Variants in CNTNAP2 observed in about 807,000 individuals in gnomAD.
CNTNAP2 encodes the protein contactin-associated protein-like 2.
Under a neutral mutation model 155.2 loss-of-function variants are expected in CNTNAP2, and 98 were observed. The ratio of observed to expected loss-of-function variants is 0.63; its 90% CI spans 0.54 to 0.75. CNTNAP2 has a LOEUF of 0.75. CNTNAP2 is among the 30% of genes least tolerant of loss of function. CNTNAP2 has a pLI of 0.00. For missense variants in CNTNAP2, 1,727 were observed against 1,688.1 expected (o/e 1.02, Z -0.40); for synonymous variants, 651 against 631.2 (o/e 1.03, Z -0.47).
intron 18 of CNTNAP2, among the ~76,000 whole-genome samples, chr7:148,193,913 G>C (rs998102197): frequency 2.0e-5 from 3 of 149,238 alleles, no homozygotes; most frequent in Non-Finnish European, 4.4e-5. Flanking sequence ...AATCCTTCCC[G>C]TTTCCTTCTG....
intron 13 of CNTNAP2, among the ~76,000 whole-genome samples, chr7:147,724,177 C>T (rs1421395740): frequency 1.3e-5 from 2 of 151,874 alleles, no homozygotes; most frequent in African/African-American, 2.4e-5. Context: ...CAAAAGAAGG[C>T]CTACCAAACA....
chr7:146,885,482 T>A (rs1455497954), intron 3 of CNTNAP2, among the ~76,000 whole-genome samples: 1 of 152,174 alleles, frequency 6.6e-6, no homozygotes, highest in Admixed American at 6.6e-5. Flanking sequence ...ATATAGCTGA[T>A]GTAAAAATGC....
chr7:146,268,853 G>A (rs893810253), intron 1 of CNTNAP2, among the ~76,000 whole-genome samples: 1 of 152,186 alleles, frequency 6.6e-6, no homozygotes, highest in Non-Finnish European at 1.5e-5. Context: ...ACAAGAAGAA[G>A]ATAGTTCAAC....
At chr7:146,737,774 A>G (rs574013073) in intron 1 of CNTNAP2, among the ~76,000 whole-genome samples, 7 of 152,162 alleles carry the variant, frequency 4.6e-5, no homozygotes, top group Admixed American at 4.6e-4. Flanking sequence ...TTTACTTAAC[A>G]TAATGTCCTT....
intron 13 of CNTNAP2, among the ~76,000 whole-genome samples, chr7:147,856,955 A>G (rs936179238): frequency 6.6e-6 from 1 of 152,198 alleles, no homozygotes; most frequent in African/African-American, 2.4e-5. Context: ...GTTCCCCAGG[A>G]AAGTTTGTCA....
chr7:148,123,683 GGAAAAA>G (rs1804651752), intron 16 of CNTNAP2, among the ~76,000 whole-genome samples: 1 of 120,964 alleles, frequency 8.3e-6, no homozygotes, highest in South Asian at 2.8e-4. Context: ...AAGGAAGGAA[GGAAAAA>G]GAAAGAGAAA....
chr7:147,059,502 G>T (rs1035440023), intron 4 of CNTNAP2, among the ~76,000 whole-genome samples: 1 of 151,286 alleles, frequency 6.6e-6, no homozygotes, highest in East Asian at 1.9e-4. Context: ...TTGTACAATG[G>T]GTTCACCTTA....
intron 11 of CNTNAP2, among the ~76,000 whole-genome samples, chr7:147,486,889 C>CTGTGTGTGTGTGTGTGTGTGTGTGTG (rs10544219): frequency 6.1e-5 from 9 of 146,842 alleles, no homozygotes; most frequent in South Asian, 2.2e-4. Flanking sequence ...ACGTATGTGC[C>CTGTGTGTGTGTGTGTGTGTGTGTGTG]TGTGTGTGTG....
intron 13 of CNTNAP2, among the ~76,000 whole-genome samples, chr7:147,901,595 T>C (rs1019661487): frequency 2.0e-5 from 3 of 152,342 alleles, no homozygotes; most frequent in Middle Eastern, 3.4e-3. Flanking sequence ...TCTTTTTACA[T>C]TCTGCTCCAT....
chr7:146,618,653 A>G (rs1336891319), intron 1 of CNTNAP2, among the ~76,000 whole-genome samples: 4 of 152,236 alleles, frequency 2.6e-5, no homozygotes, highest in Non-Finnish European at 5.9e-5. Context: ...GCAGAATGTT[A>G]GTTCATTTAA....
chr7:147,056,296 T>C (rs1426816273), intron 4 of CNTNAP2, among the ~76,000 whole-genome samples: 3 of 152,228 alleles, frequency 2.0e-5, no homozygotes, highest in African/African-American at 7.2e-5. Flanking sequence ...GTGTTGGCTG[T>C]ATTTGTGTAT....
chr7:147,666,394 T>C (rs1205143989), intron 13 of CNTNAP2, among the ~76,000 whole-genome samples: 2 of 152,296 alleles, frequency 1.3e-5, no homozygotes, highest in South Asian at 2.1e-4. Flanking sequence ...ACATTACTCA[T>C]GTGTGTGTGG....
At chr7:147,730,726 A>T (rs1158437556) in intron 13 of CNTNAP2, among the ~76,000 whole-genome samples, 3 of 152,218 alleles carry the variant, frequency 2.0e-5, no homozygotes, top group Admixed American at 2.0e-4. Context: ...ATCAAAAGCT[A>T]GAAATCATTA....
intron 3 of CNTNAP2, among the ~76,000 whole-genome samples, chr7:146,917,121 A>T (rs373381791): frequency 6.6e-6 from 1 of 152,076 alleles, no homozygotes. Context: ...AGGTACTTGC[A>T]TGGTTTTGAG....
chr7:146,858,339 A>G (rs1008709855), intron 3 of CNTNAP2, among the ~76,000 whole-genome samples: 1 of 152,210 alleles, frequency 6.6e-6, no homozygotes, highest in African/African-American at 2.4e-5. Context: ...GCTTGCACTA[A>G]ATGTTGTCTA....
intron 9 of CNTNAP2, among the ~76,000 whole-genome samples, chr7:147,355,977 A>G (rs1393418388): frequency 6.6e-6 from 1 of 152,128 alleles, no homozygotes; most frequent in Non-Finnish European, 1.5e-5. Flanking sequence ...GCAGAGACAC[A>G]ATAAGAAAAG....
intron 1 of CNTNAP2, among the ~76,000 whole-genome samples, chr7:146,633,587 C>A (rs35739314): frequency 1.3e-5 from 2 of 151,792 alleles, no homozygotes; most frequent in Admixed American, 6.6e-5. Context: ...ATTTTGGTAC[C>A]TATAATCTTT....
chr7:146,694,959 AT>A (rs1800757566), intron 1 of CNTNAP2, among the ~76,000 whole-genome samples: 2 of 152,192 alleles, frequency 1.3e-5, no homozygotes, highest in African/African-American at 2.4e-5. Context: ...CATTACTATA[AT>A]TAGTTAATTG....
chr7:147,597,482 A>T (rs1800846553), intron 12 of CNTNAP2, among the ~76,000 whole-genome samples: 1 of 151,890 alleles, frequency 6.6e-6, no homozygotes, highest in South Asian at 2.1e-4. Flanking sequence ...CATCCTATTG[A>T]ATTCTTATTT....
Sources: gnomAD v4.1 joint callset for allele counts (sites outside exome capture counted in the v4.1 genomes callset) on GRCh38, gnomAD v4.1.1 for gene constraint, MANE v1.5 for transcripts, NCBI Gene and HGNC (gene_info 2026-07-23, HGNC 2026-07-21) for gene names.